Variants in FOXN3 observed in about 807,000 individuals in gnomAD.
FOXN3 encodes the protein forkhead box N3.
FOXN3 carries 7 observed loss-of-function variants against 38.4 expected under a neutral mutation model. The observed-to-expected ratio is 0.18, with a 90% CI of 0.10 to 0.34. FOXN3 has a LOEUF of 0.34. Ranked by LOEUF, FOXN3 falls within the 10% of genes least tolerant of loss-of-function variation. The pLI is 1.00. For synonymous variants in FOXN3, 230 were observed against 242.2 expected (o/e 0.95, Z 0.47); for missense variants, 456 against 613.4 (o/e 0.74, Z 2.71).
chr14:89,306,030 C>G (rs191440673), intron 3 of FOXN3, among the ~76,000 whole-genome samples: 22 of 152,310 alleles, frequency 1.4e-4, no homozygotes, highest in African/African-American at 5.3e-4. Flanking sequence ...AGAACACCAC[C>G]ACCATTTTCA....
rs527311934 is a variant in FOXN3, at chr14:89,468,260, C to A, written c.-14-55770G>T. On this transcript the variant is annotated intron_variant, in intron 1 of 6. Coordinates refer to the FOXN3 transcript ENST00000345097. The stretch of plus-strand genomic sequence containing the variant: ...CCTGACGTCAAGAGTTCAAGACCAG[C>A]CTGGCCAACGTGGTGAAACCCCGTC... Among the ~76,000 whole-genome samples the A allele has an allele frequency of 1.2e-3, 183 of 152,074 alleles. 4 individuals are homozygous for A. The Middle Eastern group carries it at 0.024, about 20-fold the overall frequency.
At chr14:89,324,680 GGGACCCACACACAT>G (rs2139977204) in intron 3 of FOXN3, among the ~76,000 whole-genome samples, 1 of 152,228 alleles carries the variant, frequency 6.6e-6, no homozygotes, top group African/African-American at 2.4e-5. Context: ...CTTAACCACA[GGGACCCACACACAT>G]GGGTCCCCTG....
chr14:89,180,729 T>G lies in FOXN3; in HGVS notation c.823A>C (p.Thr275Pro). The G allele has an allele frequency of 6.2e-7, 1 of 1,610,538 alleles. No homozygotes were observed. The highest frequency in any genetic ancestry group is 2.2e-5 in the East Asian group (1 of 44,772). The change falls in exon 5 of 6, where the codon ACT becomes CCT. Residue 275 changes from threonine to proline, a missense_variant. Thr to Pro is a conservative substitution (Grantham distance 38). This residue lies in a region of FOXN3 where 386 missense variants were observed against 505.2 expected (regional missense o/e 0.76). Coordinates refer to ENST00000557258, the MANE Select transcript of FOXN3 (RefSeq NM_005197.4). ...ATGGCCGCTGTCACCCCAATGGGAGTGATTGGCAGCGGCCGCACGCCAGGA... is the reference window on the plus strand; with the variant it reads ...ATGGCCGCTGTCACCCCAATGGGAGGGATTGGCAGCGGCCGCACGCCAGGA... ...LFPGVRPLPI[T>P]PIGVTAAMRN...
intron 1 of FOXN3, among the ~76,000 whole-genome samples, chr14:89,426,862 A>G (rs1219396198): frequency 6.6e-6 from 1 of 152,180 alleles, no homozygotes; most frequent in Admixed American, 6.5e-5. Flanking sequence ...CTGGCTTCTT[A>G]GAGAACCTCT....
intron 1 of FOXN3, among the ~76,000 whole-genome samples, chr14:89,526,678 TGATCTAAA>T: frequency 6.6e-6 from 1 of 152,312 alleles, no homozygotes; most frequent in East Asian, 1.9e-4. Context: ...TCCCTCAAAT[TGATCTAAA>T]GATTTAAAGT....
At chr14:89,390,490 T>TAAA (rs376776864) in intron 2 of FOXN3, among the ~76,000 whole-genome samples, 20,200 of 129,798 alleles carry the variant, frequency 0.16, 1,582 homozygotes, top group South Asian at 0.3. Context: ...AGCTGCTTTT[T>TAAA]AAAAAAAAAA....
chr14:89,461,779 A>G (rs1462302580), intron 1 of FOXN3, among the ~76,000 whole-genome samples: 1 of 152,126 alleles, frequency 6.6e-6, no homozygotes, highest in Non-Finnish European at 1.5e-5. Context: ...ACCTTGAAAG[A>G]TAGGTAGGAT....
intron 1 of FOXN3, among the ~76,000 whole-genome samples, chr14:89,467,973 A>C (rs79072318): frequency 0.015 from 2,295 of 151,164 alleles, 49 homozygotes; most frequent in African/African-American, 0.053. Context: ...CTGAGCCCCC[A>C]GTCCTTCCTA....
chr14:89,204,792 CTCCATCCATCCA>C (rs142220885), intron 4 of FOXN3, among the ~76,000 whole-genome samples: 5 of 150,762 alleles, frequency 3.3e-5, no homozygotes, highest in African/African-American at 7.3e-5. Flanking sequence ...GAGACATAGG[CTCCATCCATCCA>C]TCCATCCATC....
chr14:89,519,645 T>C (rs1894279490), intron 1 of FOXN3, among the ~76,000 whole-genome samples: 1 of 152,010 alleles, frequency 6.6e-6, no homozygotes. Context: ...AATAGGGAGA[T>C]GAGTGCCCAC....
chr14:89,536,161 G>A (rs1182083695), intron 1 of FOXN3, among the ~76,000 whole-genome samples: 2 of 152,186 alleles, frequency 1.3e-5, no homozygotes, highest in African/African-American at 4.8e-5. Context: ...GAAAAGCCTT[G>A]CCAGCACTGT....
At chr14:89,508,510 T>A (rs1893995328) in intron 1 of FOXN3, among the ~76,000 whole-genome samples, 1 of 152,070 alleles carries the variant, frequency 6.6e-6, no homozygotes, top group Admixed American at 6.6e-5. Context: ...AAAGCGGTGT[T>A]GAAAGTGGCA....
rs12432854 is a variant in FOXN3 at position 89,500,068 on chromosome 14, G to A, written c.-14-87578C>T. ...GGGTTTCACCATGTTGGCCAGGCTGGTCTCGAACTCCTGACCTCAGGTGAT... is the reference window on the plus strand; with the variant it reads ...GGGTTTCACCATGTTGGCCAGGCTGATCTCGAACTCCTGACCTCAGGTGAT... On this transcript the variant is annotated intron_variant, in intron 1 of 6. Transcript: ENST00000345097. Among the ~76,000 whole-genome samples the A allele has an allele frequency of 4.8e-3, 734 of 152,210 alleles. 8 individuals carry two copies. The highest frequency in any genetic ancestry group is 0.017 in the African/African-American group (700 of 41,532).
chr14:89,435,924 T>C (rs1892266250), intron 1 of FOXN3, among the ~76,000 whole-genome samples: 1 of 152,198 alleles, frequency 6.6e-6, no homozygotes, highest in Non-Finnish European at 1.5e-5. Flanking sequence ...GTTCAGAAGA[T>C]AACACTGACT....
intron 4 of FOXN3, among the ~76,000 whole-genome samples, chr14:89,234,349 G>A (rs932108988): frequency 5.9e-5 from 9 of 152,162 alleles, no homozygotes; most frequent in South Asian, 4.1e-4. Context: ...CTCCTTCCCT[G>A]CCTCCTCTTA....
At chr14:89,284,430 T>C (rs1398002222) in intron 3 of FOXN3, 2 of 455,960 alleles carry the variant, frequency 4.4e-6, no homozygotes, top group Admixed American at 2.3e-5. Flanking sequence ...CACTGTACCA[T>C]AGAGACACAC....
chr14:89,318,455 G>T (rs1007091253), intron 3 of FOXN3, among the ~76,000 whole-genome samples: 1 of 151,970 alleles, frequency 6.6e-6, no homozygotes, highest in Non-Finnish European at 1.5e-5. Flanking sequence ...CAACACACCC[G>T]GCCCCTTTTT....
chr14:89,390,499 A>G (rs1890913985), intron 2 of FOXN3, among the ~76,000 whole-genome samples: 2 of 150,106 alleles, frequency 1.3e-5, no homozygotes, highest in Non-Finnish European at 1.5e-5. Flanking sequence ...TTAAAAAAAA[A>G]AAAAAAAAAA....
chr14:89,502,700 T>C lies in FOXN3; in HGVS notation c.-14-90210A>G, dbSNP rs1035101262. ...TATAAATTATATTTCATGGGGAATA[T>C]GGTGTATTTTAATAAGTGTCGGGGG... On this transcript the variant is annotated intron_variant, in intron 1 of 6. Coordinates refer to the FOXN3 transcript ENST00000345097. Among the ~76,000 whole-genome samples the C allele has an allele frequency of 4.6e-5, 7 of 152,290 alleles. No homozygotes were observed. The South Asian group carries it at 1.2e-3, about 27-fold the overall frequency.
Sources: gnomAD v4.1 joint callset for allele counts (sites outside exome capture counted in the v4.1 genomes callset) on GRCh38, gnomAD v4.1.1 for gene constraint, gnomAD v4.1.1 regional missense constraint, MANE v1.5 for transcripts, NCBI Gene and HGNC (gene_info 2026-07-23, HGNC 2026-07-21) for gene names.